Variants in ZNF138 observed in about 807,000 individuals in gnomAD.
ZNF138 encodes zinc finger protein 138.
Under a neutral mutation model 33.0 loss-of-function variants are expected in ZNF138, and 33 were observed. That is an observed-to-expected ratio of 1.00 (90% CI 0.76 to 1.34). ZNF138 has a LOEUF of 1.34. Among genes scored for constraint, ZNF138 ranks in the 40% most tolerant of loss-of-function variants. The probability of loss-of-function intolerance (pLI) is 0.00; values close to 1 mark genes in which losing one functional copy is unlikely to be tolerated. For missense variants in ZNF138, 360 were observed against 370.8 expected, an observed-to-expected ratio of 0.97 and a Z score of 0.24; for synonymous variants, 139 against 120.4, an observed-to-expected ratio of 1.15 and a Z score of -1.01.
At position 64,826,910 on chromosome 7, in the gene ZNF138, A is replaced by T. The variant is rs556499849; in HGVS notation, c.209-4541A>T. Among the ~76,000 whole-genome samples, 23 of 152,180 alleles carry T rather than the reference A, an allele frequency of 1.5e-4. No homozygotes were observed. In the South Asian group the frequency reaches 4.8e-3, roughly 32 times the overall value. ...AGCAGTCCACCTGCCTCGGCCTCCC[A>T]AAGTGCTGGGATTACAGGTGTGAGC... On this transcript the variant is annotated intron_variant, in intron 3 of 3. Transcript: ENST00000307355.
chr7:64,860,036 C>T, the ZNF138 span, among the ~76,000 whole-genome samples: 1 of 152,178 alleles, frequency 6.6e-6, no homozygotes, highest in Non-Finnish European at 1.5e-5. Context: ...ACTCAGGAAG[C>T]TGAGACAGGG....
At chr7:64,814,873 T>A in intron 1 of ZNF138, 45 bp from the exon 2 acceptor site, 1 of 1,608,462 alleles carries the variant, frequency 6.2e-7, no homozygotes, top group Admixed American at 1.7e-5. Flanking sequence ...TGCCCATGGC[T>A]ACTTGGTTAA....
chr7:64,822,480 G>A (rs565657739), intron 3 of ZNF138, among the ~76,000 whole-genome samples: 4 of 151,262 alleles, frequency 2.6e-5, no homozygotes, highest in East Asian at 1.9e-4. Flanking sequence ...TATGTGGTTC[G>A]AGAAAATGAT....
the ZNF138 span, among the ~76,000 whole-genome samples, chr7:64,839,150 G>C: frequency 1.3e-5 from 2 of 152,204 alleles, no homozygotes; most frequent in South Asian, 4.1e-4. Context: ...TGGTAAGGTC[G>C]TTTAGGATAT....
the ZNF138 span, among the ~76,000 whole-genome samples, chr7:64,839,957 G>A: frequency 1.3e-5 from 2 of 152,102 alleles, no homozygotes; most frequent in East Asian, 1.9e-4. Flanking sequence ...CAAAGGTGCA[G>A]CGCACTTTTA....
the ZNF138 span, chr7:64,853,261 T>C: frequency 6.2e-6 from 10 of 1,609,976 alleles, no homozygotes; most frequent in South Asian, 8.8e-5. Flanking sequence ...TGGGGCACTT[T>C]GTAGCCTGTG....
At chr7:64,840,805 A>G in the ZNF138 span, among the ~76,000 whole-genome samples, 1 of 152,194 alleles carries the variant, frequency 6.6e-6, no homozygotes, top group Non-Finnish European at 1.5e-5. Flanking sequence ...TTTAATTTAC[A>G]TAAAATTAGC....
At chr7:64,844,228 C>T in the ZNF138 span, among the ~76,000 whole-genome samples, 2 of 152,208 alleles carry the variant, frequency 1.3e-5, no homozygotes, top group South Asian at 2.1e-4. Context: ...AGCCTGTGTG[C>T]CCAACCTGTT....
intron 3 of ZNF138, among the ~76,000 whole-genome samples, chr7:64,821,609 T>A (rs1361642738): frequency 6.0e-5 from 9 of 150,848 alleles, no homozygotes. Context: ...TGCAGTGGCA[T>A]GATCTCAGCT....
At position 64,832,793 on chromosome 7, in the gene ZNF138, C is replaced by A; in HGVS notation, c.*591C>A. On this transcript the variant is annotated 3_prime_UTR_variant, in exon 4 of 4. Coordinates refer to ENST00000307355, the MANE Select transcript of ZNF138 (RefSeq NM_001271639.2). ...GCAAAGGTTTTAGCCAACTCTCAAA[C>A]CTTACTAAACACAAGAAGATTCATA... The A allele has an allele frequency of 2.3e-6, 1 of 443,376 alleles. No individual in the cohort carries two copies. Among genetic ancestry groups the A allele is most frequent in the South Asian group, 1.8e-5 (1 of 56,156 alleles). 27.5% of individuals were successfully genotyped at this position (443,376 alleles called of 1,614,324 possible).
At chr7:64,828,062 C>A (rs1303848665) in intron 3 of ZNF138, among the ~76,000 whole-genome samples, 1 of 151,848 alleles carries the variant, frequency 6.6e-6, no homozygotes, top group Admixed American at 6.6e-5. Context: ...TTAATCTTGT[C>A]TAGGTAAAAA....
Position 64,815,648 on chromosome 7 carries a change from A to AT in ZNF138, c.205dup (p.Ser69PhefsTer35). 6.2e-7 allele frequency: 1 copy of AT among 1,611,288 alleles called. No individual in the cohort carries two copies. The highest frequency in any genetic ancestry group is 8.5e-7 in the Non-Finnish European group (1 of 1,178,624). ...AGACATGAGATGGTGGTAGCCAAAC[A>AT]TTCAGGTAGGTGAGAGTGAATACAC... is the stretch of plus-strand genomic sequence containing the variant. On this transcript the variant is annotated frameshift_variant, in exon 3 of 4. Transcript: ENST00000307355. LOFTEE classifies it high-confidence loss of function.
chr7:64,844,879 G>C, the ZNF138 span, among the ~76,000 whole-genome samples: 1 of 152,170 alleles, frequency 6.6e-6, no homozygotes, highest in African/African-American at 2.4e-5. Flanking sequence ...AAGAGACGGG[G>C]TTTCACCATG....
chr7:64,832,887 C>T lies in ZNF138; in HGVS notation c.*685C>T, dbSNP rs536803484. 5.1e-6 allele frequency: 2 copies of T among 393,888 alleles called. No homozygotes were observed. The highest frequency in any genetic ancestry group is 4.1e-5 in the South Asian group (2 of 48,310). The allele number at this position is 393,888 out of a possible 1,614,324, so 24.4% of individuals were successfully genotyped here. A position where few individuals can be genotyped will look rare whatever the true frequency, so the allele number is the denominator to read the frequency against. ...TAACCAGTTCTCACAACTTGCTATA[C>T]ATAAGATGATTCACACTTGAATGAA... On this transcript the variant is annotated 3_prime_UTR_variant, in exon 4 of 4. Transcript: ENST00000307355.
At chr7:64,838,912 G>T in the ZNF138 span, among the ~76,000 whole-genome samples, 2 of 152,078 alleles carry the variant, frequency 1.3e-5, no homozygotes, top group Admixed American at 1.3e-4. Context: ...TGAGGAAGCA[G>T]GTAGTAAGAT....
downstream of ZNF138, chr7:64,835,678 A>G (rs1240944639): frequency 6.6e-6 from 1 of 152,174 alleles, no homozygotes; most frequent in Non-Finnish European, 1.5e-5. Flanking sequence ...AAGCAAGTCT[A>G]AGGCCCGCCT....
chr7:64,850,047 T>C, the ZNF138 span, among the ~76,000 whole-genome samples: 2 of 152,314 alleles, frequency 1.3e-5, no homozygotes, highest in Non-Finnish European at 2.9e-5. Flanking sequence ...CAAGTTCCCC[T>C]GGCAGCCCTC....
At chr7:64,799,926 G>T (rs975798309) in intron 1 of ZNF138, among the ~76,000 whole-genome samples, 5 of 152,220 alleles carry the variant, frequency 3.3e-5, no homozygotes, top group Non-Finnish European at 1.5e-5. Flanking sequence ...GGGATTTCAG[G>T]TGTGAGCCAC....
At chr7:64,828,183 T>G (rs1413417707) in intron 3 of ZNF138, among the ~76,000 whole-genome samples, 4 of 282 alleles carry the variant, frequency 0.014, no homozygotes, top group Non-Finnish European at 0.018. Flanking sequence ...ATAATTCTGG[T>G]TTTTTTTTAG....
Sources: allele counts gnomAD v4.1 joint callset (sites outside exome capture counted in the v4.1 genomes callset), GRCh38; gene constraint gnomAD v4.1.1; transcripts MANE v1.5; gene names NCBI Gene and HGNC (gene_info 2026-07-23, HGNC 2026-07-21).